NKAIN2: variants seen among roughly 807,000 people sequenced by gnomAD.
NKAIN2 encodes the protein sodium/potassium-transporting ATPase subunit beta-1-interacting protein 2.
In NKAIN2, 14 loss-of-function variants were observed where a neutral mutation model predicts 32.6. That is an observed-to-expected ratio of 0.43 (90% confidence interval 0.28 to 0.67). The LOEUF is 0.67. Among genes scored for constraint, NKAIN2 ranks in the 30% least tolerant of loss-of-function variants. The probability of loss-of-function intolerance (pLI) is 0.17; values close to 1 mark genes in which losing one functional copy is unlikely to be tolerated. For missense variants in NKAIN2, 198 were observed against 258.3 expected, an observed-to-expected ratio of 0.77 and a Z score of 1.60; for synonymous variants, 80 against 87.2, an observed-to-expected ratio of 0.92 and a Z score of 0.46.
At chr6:124,481,286 T>G (rs1292280005) in intron 3 of NKAIN2, among the ~76,000 whole-genome samples, 2 of 152,032 alleles carry the variant, frequency 1.3e-5, no homozygotes, top group Non-Finnish European at 2.9e-5. Context: ...TCAGTTGGCA[T>G]TAAATGACTC....
At chr6:124,132,081 C>T (rs901471291) in intron 1 of NKAIN2, among the ~76,000 whole-genome samples, 2 of 152,156 alleles carry the variant, frequency 1.3e-5, no homozygotes, top group Admixed American at 1.3e-4. Context: ...TGGGGCACTG[C>T]AGGAGCAAGA....
chr6:124,431,811 C>T (rs1235934752), intron 3 of NKAIN2, among the ~76,000 whole-genome samples: 2 of 152,078 alleles, frequency 1.3e-5, no homozygotes, highest in Non-Finnish European at 2.9e-5. Flanking sequence ...AATATCTGTA[C>T]ATAACACATA....
intron 3 of NKAIN2, among the ~76,000 whole-genome samples, chr6:124,410,618 A>G (rs1774115445): frequency 6.6e-6 from 1 of 152,174 alleles, no homozygotes; most frequent in Non-Finnish European, 1.5e-5. Context: ...ACTTCCAACC[A>G]TGTGGTCAAT....
intron 1 of NKAIN2, among the ~76,000 whole-genome samples, chr6:123,936,003 C>T (rs1480837487): frequency 1.3e-5 from 2 of 152,120 alleles, no homozygotes; most frequent in African/African-American, 4.8e-5. Context: ...CATTTCTGCA[C>T]TTGAACATCT....
chr6:124,284,628 T>C (rs1185754839), intron 2 of NKAIN2, among the ~76,000 whole-genome samples: 1 of 152,074 alleles, frequency 6.6e-6, no homozygotes, highest in Non-Finnish European at 1.5e-5. Flanking sequence ...GGATAAAATC[T>C]AGATGTGACC....
chr6:123,947,508 G>T (rs993234749), intron 1 of NKAIN2, among the ~76,000 whole-genome samples: 1 of 152,000 alleles, frequency 6.6e-6, no homozygotes, highest in African/African-American at 2.4e-5. Context: ...AGAAAGCTTT[G>T]ATCCAAAGTC....
At chr6:124,515,699 T>G (rs1778882009) in intron 3 of NKAIN2, among the ~76,000 whole-genome samples, 1 of 3,756 alleles carries the variant, frequency 2.7e-4, no homozygotes, top group African/African-American at 3.1e-4. Flanking sequence ...CTACTTCATT[T>G]TTCTTCGCTT....
intron 3 of NKAIN2, among the ~76,000 whole-genome samples, chr6:124,529,242 G>A (rs1357398816): frequency 1.3e-5 from 2 of 152,122 alleles, no homozygotes; most frequent in African/African-American, 2.4e-5. Flanking sequence ...CCAAACAAAA[G>A]TAGGGGCAGG....
chr6:123,887,368 AT>A (rs1773774604), intron 1 of NKAIN2, among the ~76,000 whole-genome samples: 2 of 152,110 alleles, frequency 1.3e-5, no homozygotes, highest in Admixed American at 6.6e-5. Flanking sequence ...TGCGTGACTT[AT>A]TCACAAAGTT....
intron 3 of NKAIN2, among the ~76,000 whole-genome samples, chr6:124,579,660 T>C (rs1369978679): frequency 6.6e-6 from 1 of 152,124 alleles, no homozygotes; most frequent in Non-Finnish European, 1.5e-5. Context: ...GGGTAGAAAG[T>C]TTCCTCAAAT....
In NKAIN2 at chr6:124,816,898, A is replaced by G. The variant is rs532570258; in HGVS notation, c.536-1489A>G. ...CTCTTTATTCACAAATGAAAAAGAA[A>G]AAACAAAAACTAAACTTTTTCACAG... On this transcript the variant is annotated intron_variant, in intron 5 of 6. Coordinates refer to ENST00000368417, the MANE Select transcript of NKAIN2 (RefSeq NM_001040214.3). Among the ~76,000 whole-genome samples the G allele has an allele frequency of 1.2e-4, 19 of 152,340 alleles. No homozygotes were observed. In the South Asian group the frequency reaches 3.9e-3, roughly 32 times the overall value.
At chr6:124,408,223 G>T (rs1250518695) in intron 3 of NKAIN2, among the ~76,000 whole-genome samples, 2 of 152,048 alleles carry the variant, frequency 1.3e-5, no homozygotes, top group Non-Finnish European at 2.9e-5. Context: ...TGTCAATTTT[G>T]GCTTTTGTTG....
At chr6:124,591,725 A>G (rs1781920966) in intron 3 of NKAIN2, among the ~76,000 whole-genome samples, 2 of 152,108 alleles carry the variant, frequency 1.3e-5, no homozygotes. Flanking sequence ...TCTCCCCATC[A>G]TTGTATATTC....
chr6:123,956,001 G>A (rs1393255720), intron 1 of NKAIN2, among the ~76,000 whole-genome samples: 1 of 152,118 alleles, frequency 6.6e-6, no homozygotes, highest in Non-Finnish European at 1.5e-5. Context: ...AATGCTGGAT[G>A]CATTATTTTA....
intron 3 of NKAIN2, among the ~76,000 whole-genome samples, chr6:124,423,862 G>A (rs1012997314): frequency 6.6e-6 from 1 of 152,166 alleles, no homozygotes; most frequent in Non-Finnish European, 1.5e-5. Context: ...TCCTGTCCTA[G>A]CCTTTAAAAC....
intron 4 of NKAIN2, among the ~76,000 whole-genome samples, chr6:124,687,379 AATATAT>A (rs1165738844): frequency 1.6e-5 from 2 of 127,930 alleles, no homozygotes; most frequent in South Asian, 5.2e-4. Context: ...ACATACATGG[AATATAT>A]ATATTCCATG....
chr6:123,891,662 G>A (rs979891506), intron 1 of NKAIN2, among the ~76,000 whole-genome samples: 1 of 152,146 alleles, frequency 6.6e-6, no homozygotes, highest in Non-Finnish European at 1.5e-5. Context: ...AAAACAAAAT[G>A]TAATCGCAAT....
chr6:123,831,580 A>T (rs572923570), intron 1 of NKAIN2, among the ~76,000 whole-genome samples: 3 of 151,384 alleles, frequency 2.0e-5, no homozygotes, highest in Non-Finnish European at 2.9e-5. Flanking sequence ...GACAGGTAAG[A>T]GGTTTTCCCA....
At chr6:124,455,262 G>A (rs75123550) in intron 3 of NKAIN2, among the ~76,000 whole-genome samples, 34 of 152,112 alleles carry the variant, frequency 2.2e-4, no homozygotes, top group East Asian at 2.1e-3. Flanking sequence ...GTTGATGTGC[G>A]TGCAAAAGTT....
Sources: gnomAD v4.1 joint callset for allele counts (sites outside exome capture counted in the v4.1 genomes callset) on GRCh38, gnomAD v4.1.1 for gene constraint, MANE v1.5 for transcripts, NCBI Gene and HGNC (gene_info 2026-07-23, HGNC 2026-07-21) for gene names.